The following TBCD variants were observed in gnomAD, a reference collection of about 807,000 sequenced individuals.
TBCD encodes tubulin-specific chaperone D.
Under a neutral mutation model 169.3 loss-of-function variants are expected in TBCD, and 105 were observed. The observed-to-expected ratio is 0.62, with a 90% CI of 0.53 to 0.73. TBCD has a LOEUF of 0.73. Ranked by LOEUF, TBCD falls within the 30% of genes least tolerant of loss-of-function variation. The pLI is 0.00. For synonymous variants in TBCD, 700 were observed against 643.9 expected (o/e 1.09, Z -1.32); for missense variants, 1,444 against 1,600.1 (o/e 0.90, Z 1.66).
intron 7 of TBCD, among the ~76,000 whole-genome samples, chr17:82,785,187 T>G: frequency 4.4e-5 from 2 of 45,714 alleles, no homozygotes; most frequent in Non-Finnish European, 8.1e-5. Flanking sequence ...GACCACTGGA[T>G]CCCACCCATC....
chr17:82,847,125 G>GC (rs1172656003), intron 13 of TBCD, among the ~76,000 whole-genome samples: 1 of 152,124 alleles, frequency 6.6e-6, no homozygotes, highest in Non-Finnish European at 1.5e-5. Flanking sequence ...GCCAAGGTGG[G>GC]CGGATCATGA....
Position 82,920,619 on chromosome 17 carries a change from G to T in TBCD, c.2101+1G>T. On this transcript the variant is annotated splice_donor_variant, in intron 24 of 38. Coordinates refer to ENST00000355528, the MANE Select transcript of TBCD (RefSeq NM_005993.5). LOFTEE classifies it high-confidence loss of function. This position sits in a 1 kb window ranked among gnomAD's most constrained non-coding sequence, Gnocchi z 4.1. Reference sequence around the variant, plus strand: ...CCCTTTAGAGGTGACACCGTAATTGGTAAGTGCTTTTGTTTTTAATAATAG... The same window carrying T: ...CCCTTTAGAGGTGACACCGTAATTGTTAAGTGCTTTTGTTTTTAATAATAG... 1 of 1,550,372 alleles carries T rather than the reference G, an allele frequency of 6.5e-7. No homozygotes were observed. Among genetic ancestry groups the T allele is most frequent in the Non-Finnish European group, 8.7e-7 (1 of 1,147,212 alleles).
rs915970110 is a variant in TBCD at position 82,920,363 on chromosome 17, G to A, written c.2039-193G>A. On this transcript the variant is annotated intron_variant, in intron 23 of 38. Coordinates refer to ENST00000355528, the MANE Select transcript of TBCD (RefSeq NM_005993.5). This position sits in a 1 kb window ranked among gnomAD's most constrained non-coding sequence, Gnocchi z 4.1. ...ACTTTCTTCAGGCTGCTCAGCGGAG[G>A]AGGCGTCTTGGGCTTCTCATGGTGG... is the stretch of plus-strand genomic sequence containing the variant. 1.9e-5 allele frequency: 12 copies of A among 618,656 alleles called. No individual in the cohort carries two copies. Among genetic ancestry groups the A allele is most frequent in the Non-Finnish European group, 3.1e-5 (11 of 352,656 alleles). 38.3% of individuals were successfully genotyped at this position (618,656 alleles called of 1,614,324 possible).
chr17:82,786,683 G>A (rs1407152176), intron 7 of TBCD, among the ~76,000 whole-genome samples: 1 of 152,192 alleles, frequency 6.6e-6, no homozygotes, highest in Admixed American at 6.5e-5. Context: ...GGGGCTGTGG[G>A]CCACTGCGTT....
At chr17:82,792,171 G>A (rs1274353732) in intron 7 of TBCD, among the ~76,000 whole-genome samples, 1 of 152,176 alleles carries the variant, frequency 6.6e-6, no homozygotes, top group African/African-American at 2.4e-5. Context: ...AGCCGGGCGT[G>A]GTGGCGGGCG....
intron 13 of TBCD, among the ~76,000 whole-genome samples, chr17:82,815,290 C>T (rs147862563): frequency 0.012 from 1,797 of 152,350 alleles, 17 homozygotes; most frequent in Non-Finnish European, 0.02. Flanking sequence ...GATTTTCTTA[C>T]TCCCCAAAAC....
rs1312176002 is a variant in TBCD, at chr17:82,772,456, A to G, written c.587A>G (p.Tyr196Cys). The change falls in exon 6 of 39, where the codon TAC becomes TGC. Residue 196 changes from tyrosine to cysteine, a missense_variant. By Grantham distance (194) the Tyr-to-Cys change is radical (BLOSUM62 -2). Coordinates refer to ENST00000355528, the MANE Select transcript of TBCD (RefSeq NM_005993.5). The stretch of plus-strand genomic sequence containing the variant: ...GTGCTTCACCCTTTCTTGCAGTCCT[A>G]CTTGATTGTCAGTGACAAGGCCCGA... ...MDRILQIAES[Y>C]LIVSDKARDA... 3.7e-6 allele frequency: 6 copies of G among 1,613,768 alleles called. No homozygotes were observed. The East Asian group carries it at 1.1e-4, about 30-fold the overall frequency.
chr17:82,933,024 G>GGGGT (rs1392044672), intron 34 of TBCD, among the ~76,000 whole-genome samples: 1 of 152,116 alleles, frequency 6.6e-6, no homozygotes. Context: ...CACCGGGCCA[G>GGGGT]GGGTGGGCCT....
intron 13 of TBCD, among the ~76,000 whole-genome samples, chr17:82,865,860 G>C (rs986254410): frequency 1.3e-5 from 2 of 152,184 alleles, no homozygotes; most frequent in South Asian, 4.1e-4. Context: ...CCTGGAGGCT[G>C]CTTTTTCCTC....
intron 12 of TBCD, among the ~76,000 whole-genome samples, chr17:82,810,186 G>A (rs999847880): frequency 7.2e-5 from 11 of 152,322 alleles, no homozygotes; most frequent in Admixed American, 7.2e-4. Context: ...GTTTGAATTG[G>A]ATTTCATTTT....
At chr17:82,882,867 T>C (rs2146223076) in intron 14 of TBCD, among the ~76,000 whole-genome samples, 1 of 152,282 alleles carries the variant, frequency 6.6e-6, no homozygotes, top group Middle Eastern at 3.4e-3. Context: ...GGCCGGCGCC[T>C]CACACACACG....
Position 82,832,740 on chromosome 17 carries a change from T to C in TBCD, c.1318+17806T>C. 2 of 480,982 alleles carry C rather than the reference T, an allele frequency of 4.2e-6. No individual in the cohort carries two copies. The highest frequency in any genetic ancestry group is 3.8e-6 in the Non-Finnish European group (1 of 263,808). The allele number at this position is 480,982 out of a possible 1,614,324, so 29.8% of individuals were successfully genotyped here. A position where few individuals can be genotyped will look rare whatever the true frequency, so the allele number is the denominator to read the frequency against. On this transcript the variant is annotated intron_variant, in intron 13 of 38. Coordinates refer to ENST00000355528, the MANE Select transcript of TBCD (RefSeq NM_005993.5). The surrounding 1 kb of genome is among the most constrained non-coding windows in gnomAD (Gnocchi z 4.9). The stretch of plus-strand genomic sequence containing the variant: ...CACAGGATCCCTGAAGCAGAACCCC[T>C]GAAGGGCTGAAACTGCCTGCTCCTG...
intron 6 of TBCD, among the ~76,000 whole-genome samples, chr17:82,776,522 T>G (rs576552555): frequency 3.9e-5 from 6 of 152,236 alleles, no homozygotes; most frequent in Non-Finnish European, 5.9e-5. Context: ...ACTTTTAATG[T>G]GCACAGCATG....
intron 2 of TBCD, among the ~76,000 whole-genome samples, chr17:82,758,949 A>C (rs1056896578): frequency 1.3e-5 from 2 of 151,982 alleles, no homozygotes; most frequent in Non-Finnish European, 2.9e-5. Flanking sequence ...GGTGTGAGCC[A>C]TTGTGCCCGG....
intron 13 of TBCD, among the ~76,000 whole-genome samples, chr17:82,861,141 G>T (rs2056724337): frequency 6.6e-6 from 1 of 152,256 alleles, no homozygotes; most frequent in African/African-American, 2.4e-5. Flanking sequence ...GGGGTCAGCT[G>T]CACGGATGCA....
intron 33 of TBCD, among the ~76,000 whole-genome samples, chr17:82,932,380 G>C (rs2147370373): frequency 6.6e-6 from 1 of 152,326 alleles, no homozygotes; most frequent in African/African-American, 2.4e-5. Flanking sequence ...GTTTACTTTG[G>C]ACTCTCCTGT....
intron 18 of TBCD, 69 bp downstream of exon 18, chr17:82,900,800 T>G: frequency 1.7e-6 from 2 of 1,182,370 alleles, no homozygotes; most frequent in Non-Finnish European, 1.3e-6. Context: ...GTTGAGCTTA[T>G]AAGCCTTGAG....
At chr17:82,855,993 CT>C (rs60978063) in intron 13 of TBCD, among the ~76,000 whole-genome samples, 267 of 66,166 alleles carry the variant, frequency 4.0e-3, no homozygotes, top group African/African-American at 0.017. Flanking sequence ...TCCCCCCCCA[CT>C]TTTTTTTTTT....
chr17:82,808,688 A>G (rs1469418298), intron 11 of TBCD, among the ~76,000 whole-genome samples: 12 of 35,018 alleles, frequency 3.4e-4, no homozygotes, highest in African/African-American at 4.6e-4. Context: ...GCTGGGGGGC[A>G]GAGAGGCCCC....
Sources: allele counts gnomAD v4.1 joint callset (sites outside exome capture counted in the v4.1 genomes callset), GRCh38; gene constraint gnomAD v4.1.1; non-coding constraint Gnocchi (gnomAD v3.1); transcripts MANE v1.5; gene names NCBI Gene and HGNC (gene_info 2026-07-23, HGNC 2026-07-21).